Variants in PCNX4 observed in about 807,000 individuals in gnomAD.
The protein encoded by PCNX4 is pecanex 4, also known as pecanex-like protein 4.
In PCNX4, 103 loss-of-function variants were observed where a neutral mutation model predicts 107.2. The observed-to-expected ratio is 0.96, with a 90% CI of 0.82 to 1.13. The LOEUF (loss-of-function observed/expected upper bound fraction) is 1.13, where lower values mean the gene tolerates loss of function less well. Ranked by LOEUF, PCNX4 falls within the 50% of genes most tolerant of loss-of-function variation. The pLI is 0.00. For missense variants in PCNX4, 1,528 were observed against 1,379.4 expected, an observed-to-expected ratio of 1.11 and a Z score of -1.71; for synonymous variants, 541 against 481.7, an observed-to-expected ratio of 1.12 and a Z score of -1.61.
chr14:60,126,624 G>A (rs1031052154), intron 10 of PCNX4, among the ~76,000 whole-genome samples: 1 of 152,164 alleles, frequency 6.6e-6, no homozygotes, highest in East Asian at 1.9e-4. Context: ...GTACAACCCA[G>A]AACGTAGGCT....
Position 60,108,252 on chromosome 14 carries a change from A to G in PCNX4, c.614A>G (p.Gln205Arg). 6.2e-7 allele frequency: 1 copy of G among 1,612,764 alleles called. No homozygotes were observed. ...ACAGAGACTGCGACTTTCCAAACAC[A>G]GGATACTTATGAAATTATTCCTCTT... ...TATETATFQT[Q>R]DTYEIIPLMR... Residue 205 changes from glutamine to arginine, a missense_variant, in exon 2 of 11, where the codon CAG becomes CGG. By Grantham distance (43) the Gln-to-Arg change is conservative. Transcript: ENST00000406854.
In PCNX4 at chr14:60,114,780, C is replaced by T; in HGVS notation, c.770C>T (p.Ala257Val). 1 of 1,613,778 alleles carries T rather than the reference C, an allele frequency of 6.2e-7. No individual in the cohort carries two copies. Residue 257 changes from alanine (A) to valine (V), a missense_variant, in exon 3 of 11, where the codon GCA becomes GTA. Physicochemically the swap from Ala to Val is moderately conservative, Grantham distance 64. Transcript: ENST00000406854. The part of the protein sequence containing the change: ...ILFVFLPFLW[A>V]LGTLPPPDAL... ...TTTGTATTTTTACCCTTTCTGTGGG[C>T]ACTTGGGACTCTGCCCCCACCCGAT...
rs893926552 is a variant in PCNX4, at chr14:60,107,473, A to G, written c.-53-113A>G. ...AGAAAGGGGTCTGAGAAGTACAGTT[A>G]TAAATCCTACCCTTGAAGGAAGTGA... On this transcript the variant is annotated intron_variant, in intron 1 of 10. Coordinates refer to ENST00000406854, the MANE Select transcript of PCNX4 (RefSeq NM_001330177.2). The G allele has an allele frequency of 7.7e-6, 5 of 652,136 alleles. 1 individual carries two copies. Among genetic ancestry groups the G allele is most frequent in the Non-Finnish European group, 1.3e-5 (5 of 389,560 alleles). 40.4% of individuals were successfully genotyped at this position (652,136 alleles called of 1,614,324 possible).
chr14:60,114,395 A>G (rs1220570507), intron 2 of PCNX4, among the ~76,000 whole-genome samples: 2 of 152,144 alleles, frequency 1.3e-5, no homozygotes, highest in African/African-American at 2.4e-5. Context: ...CCTGTATTCA[A>G]TTTTCTTACT....
intron 1 of PCNX4, among the ~76,000 whole-genome samples, chr14:60,102,345 TC>T (rs1323618948): frequency 4.0e-5 from 6 of 151,796 alleles, no homozygotes; most frequent in Admixed American, 3.9e-4. Context: ...CACTACAACA[TC>T]TCAAAATTTT....
chr14:60,125,897 T>A, intron 10 of PCNX4, 74 bp downstream of exon 10: 1 of 961,224 alleles, frequency 1.0e-6, no homozygotes, highest in Non-Finnish European at 1.4e-6. Flanking sequence ...GTATTTGAAC[T>A]AAGTGATAAA....
In PCNX4 at chr14:60,139,793, A is replaced by G. The variant is rs1054030603; in HGVS notation, c.*5572A>G. ...TAGAAAAATTCTATTAAGTTCATAA[A>G]TTAAGAAATACACTTTTAAATAACT... On this transcript the variant is annotated 3_prime_UTR_variant, in exon 11 of 11. Transcript: ENST00000406854. The G allele has an allele frequency of 3.9e-5, 6 of 152,128 alleles. No homozygotes were observed. Among genetic ancestry groups the G allele is most frequent in the African/African-American group, 1.2e-4 (5 of 41,462 alleles). The allele number at this position is 152,128 out of a possible 1,614,324, so 9.4% of individuals were successfully genotyped here.
intron 7 of PCNX4, among the ~76,000 whole-genome samples, chr14:60,119,370 C>G (rs868070709): frequency 6.6e-6 from 1 of 152,124 alleles, no homozygotes; most frequent in African/African-American, 2.4e-5. Context: ...TTTGATGACA[C>G]TAGTGTGTCA....
chr14:60,096,418 G>C (rs1045678032), intron 1 of PCNX4, among the ~76,000 whole-genome samples: 1 of 152,118 alleles, frequency 6.6e-6, no homozygotes, highest in Non-Finnish European at 1.5e-5. Context: ...CCTATCTGTG[G>C]TACAAAGATT....
intron 8 of PCNX4, among the ~76,000 whole-genome samples, chr14:60,121,565 T>C (rs1435869604): frequency 2.0e-5 from 3 of 148,292 alleles, no homozygotes; most frequent in Non-Finnish European, 4.4e-5. Flanking sequence ...GTTGAGCATC[T>C]CAAAAGTGTG....
intron 2 of PCNX4, 48 bp downstream of exon 2, chr14:60,108,375 C>T (rs1895672532): frequency 7.1e-7 from 1 of 1,401,808 alleles, no homozygotes. Context: ...TTTAAGTATA[C>T]AGAGTAAGAG....
chr14:60,108,922 C>G (rs1244951810), intron 2 of PCNX4: 4 of 166,560 alleles, frequency 2.4e-5, no homozygotes, highest in African/African-American at 9.7e-5. Flanking sequence ...TTGCAGCTTT[C>G]TTTTCTTAGG....
intron 10 of PCNX4, among the ~76,000 whole-genome samples, chr14:60,129,634 T>C (rs1165028640): frequency 6.6e-6 from 1 of 152,216 alleles, no homozygotes; most frequent in East Asian, 1.9e-4. Context: ...CATAAAATTA[T>C]ATAAAGTGAT....
At chr14:60,107,083 T>TA (rs1288681109) in intron 1 of PCNX4, among the ~76,000 whole-genome samples, 6 of 151,994 alleles carry the variant, frequency 3.9e-5, no homozygotes, top group Non-Finnish European at 8.8e-5. Flanking sequence ...ATATGATTTT[T>TA]AAAAAAATAA....
chr14:60,093,343 C>T (rs1895348004), intron 1 of PCNX4, among the ~76,000 whole-genome samples: 1 of 152,160 alleles, frequency 6.6e-6, no homozygotes, highest in Non-Finnish European at 1.5e-5. Flanking sequence ...TCAGCAGTCA[C>T]CACCTCCCTC....
intron 1 of PCNX4, among the ~76,000 whole-genome samples, chr14:60,103,352 G>A (rs923083986): frequency 6.6e-6 from 1 of 152,178 alleles, no homozygotes; most frequent in African/African-American, 2.4e-5. Flanking sequence ...ACTTGCAGAA[G>A]TGTTTTTTAA....
At position 60,134,683 on chromosome 14, in the gene PCNX4, A is replaced by G. The variant is rs1896215915; in HGVS notation, c.*462A>G. 1.3e-5 allele frequency: 2 copies of G among 152,484 alleles called. No individual in the cohort carries two copies. Among genetic ancestry groups the G allele is most frequent in the South Asian group, 2.1e-4 (1 of 4,840 alleles). 9.4% of individuals were successfully genotyped at this position (152,484 alleles called of 1,614,324 possible). On this transcript the variant is annotated 3_prime_UTR_variant, in exon 11 of 11. Transcript: ENST00000406854. ...ATTTGTTTGAAATATAATTTATAGT[A>G]TTTTCAAATGTGCTGATTTATTTTG... is the stretch of plus-strand genomic sequence containing the variant.
At chr14:60,118,768 A>G (rs1234780552) in intron 7 of PCNX4, 76 bp downstream of exon 7, 5 of 1,420,502 alleles carry the variant, frequency 3.5e-6, no homozygotes, top group African/African-American at 1.4e-5. Context: ...CAGGAAAACA[A>G]TCTTTTTATC....
At chr14:60,122,908 A>T (rs1314069421) in intron 8 of PCNX4, among the ~76,000 whole-genome samples, 2 of 152,172 alleles carry the variant, frequency 1.3e-5, no homozygotes, top group Non-Finnish European at 2.9e-5. Context: ...GGTTCTCAAA[A>T]TGCAGTGCCC....
Sources: allele counts gnomAD v4.1 joint callset (sites outside exome capture counted in the v4.1 genomes callset), GRCh38; gene constraint gnomAD v4.1.1; transcripts MANE v1.5; gene names NCBI Gene and HGNC (gene_info 2026-07-23, HGNC 2026-07-21).